Variants in UBR3 observed in about 807,000 individuals in gnomAD.
UBR3 encodes the protein ubiquitin protein ligase E3 component n-recognin 3.
In UBR3, 85 loss-of-function variants were observed where a neutral mutation model predicts 243.2. The observed-to-expected ratio is 0.35, with a 90% CI of 0.29 to 0.42. The LOEUF (loss-of-function observed/expected upper bound fraction) is 0.42, where lower values mean the gene tolerates loss of function less well. Ranked by LOEUF, UBR3 falls within the 10% of genes least tolerant of loss-of-function variation. The pLI, the probability that UBR3 is intolerant of heterozygous loss-of-function variation, is 1.00. For synonymous variants in UBR3, 748 were observed against 799.8 expected (o/e 0.94, Z 1.09); for missense variants, 1,686 against 2,300.8 (o/e 0.73, Z 5.47).
At chr2:169,831,415 G>T (rs578087151) in intron 1 of UBR3, among the ~76,000 whole-genome samples, 9 of 151,598 alleles carry the variant, frequency 5.9e-5, no homozygotes, top group Admixed American at 5.9e-4. Context: ...CTCCCAAAGT[G>T]CTGGGATTAC....
At chr2:169,844,210 T>C (rs2082391979) in intron 1 of UBR3, among the ~76,000 whole-genome samples, 1 of 152,134 alleles carries the variant, frequency 6.6e-6, no homozygotes, top group Non-Finnish European at 1.5e-5. Flanking sequence ...TTTCACCATG[T>C]TGGCCAGGCT....
chr2:170,078,750 A>G (rs1196230596), intron 36 of UBR3, among the ~76,000 whole-genome samples: 1 of 152,206 alleles, frequency 6.6e-6, no homozygotes, highest in Non-Finnish European at 1.5e-5. Context: ...GTAATGTGCT[A>G]TGGGCTACTG....
At chr2:170,016,877 C>A in intron 30 of UBR3, 1 of 855,762 alleles carries the variant, frequency 1.2e-6, no homozygotes, top group Non-Finnish European at 1.5e-6. Context: ...AGAAATTATA[C>A]TGTGCCAATA....
chr2:169,865,013 G>A (rs1004663071), intron 1 of UBR3, among the ~76,000 whole-genome samples: 11 of 152,046 alleles, frequency 7.2e-5, no homozygotes, highest in African/African-American at 2.2e-4. Flanking sequence ...TTGAATCCGG[G>A]AGGTGGAGGC....
At chr2:169,876,202 T>A (rs2083600106) in intron 3 of UBR3, among the ~76,000 whole-genome samples, 1 of 150,652 alleles carries the variant, frequency 6.6e-6, no homozygotes, top group African/African-American at 2.4e-5. Context: ...TGCCTCAGCC[T>A]CCCGAGTAGC....
Position 169,835,763 on chromosome 2 carries a change from C to A in UBR3, c.545+7711C>A, listed in dbSNP as rs570638479. 2.0e-5 allele frequency among the ~76,000 whole-genome samples: 3 copies of A among 152,070 alleles called. No individual in the cohort carries two copies. The East Asian group carries it at 5.8e-4, about 30-fold the overall frequency. On this transcript the variant is annotated intron_variant, in intron 1 of 38. Transcript: ENST00000272793. ...GCCTAATTTTTAAATCATTATAAAA[C>A]TCAGTTAAAACTATTTTCAATTATG...
intron 29 of UBR3, chr2:170,013,756 G>T: frequency 8.9e-6 from 2 of 223,846 alleles, no homozygotes; most frequent in South Asian, 1.3e-4. Flanking sequence ...AGTATTGTTT[G>T]TGTTTCTGGT....
chr2:170,040,793 C>A, intron 31 of UBR3, 89 bp from the exon 32 acceptor site: 1 of 996,560 alleles, frequency 1.0e-6, no homozygotes, highest in Non-Finnish European at 1.4e-6. Flanking sequence ...GTTTTTATTT[C>A]TGTTCCATAG....
intron 1 of UBR3, among the ~76,000 whole-genome samples, chr2:169,865,095 AT>A (rs1351679317): frequency 7.4e-4 from 110 of 148,030 alleles, no homozygotes; most frequent in Middle Eastern, 3.6e-3. Context: ...CGAAAAAAAA[AT>A]TTTTTTTTTT....
intron 36 of UBR3, among the ~76,000 whole-genome samples, chr2:170,076,860 G>A (rs1340550461): frequency 2.0e-5 from 3 of 152,136 alleles, no homozygotes; most frequent in Non-Finnish European, 4.4e-5. Context: ...CTTGGTCTAT[G>A]GTAGGGGTGG....
intron 8 of UBR3, among the ~76,000 whole-genome samples, chr2:169,900,835 G>A (rs953265739): frequency 1.3e-5 from 2 of 150,742 alleles, no homozygotes; most frequent in Non-Finnish European, 2.9e-5. Flanking sequence ...TTGTTCTATT[G>A]AAATCTACAA....
At chr2:169,947,360 G>T in intron 21 of UBR3, 182 bp from the exon 22 acceptor site, 1 of 413,286 alleles carries the variant, frequency 2.4e-6, no homozygotes, top group Non-Finnish European at 4.2e-6. Context: ...AGATATTCCT[G>T]CATTTTTTGT....
At position 169,926,761 on chromosome 2, in the gene UBR3, T is replaced by G; in HGVS notation, c.2204+17T>G. ...CTTTGAAAGGTAGGCATAATTTTAT[T>G]AAGACAGGTATTAGGAAGTGTCCAG... is the stretch of plus-strand genomic sequence containing the variant. On this transcript the variant is annotated intron_variant, in intron 15 of 38. Transcript: ENST00000272793. 6.5e-7 allele frequency: 1 copy of G among 1,548,420 alleles called. No individual in the cohort carries two copies. Among genetic ancestry groups the G allele is most frequent in the Non-Finnish European group, 8.7e-7 (1 of 1,145,484 alleles).
chr2:170,027,071 A>T (rs1183758459), intron 30 of UBR3, among the ~76,000 whole-genome samples: 1 of 151,860 alleles, frequency 6.6e-6, no homozygotes, highest in Non-Finnish European at 1.5e-5. Flanking sequence ...TTTTATTTTA[A>T]TCATAAACCC....
rs190597963 is a variant in UBR3 at position 170,031,817 on chromosome 2, C to T, written c.4556+2369C>T. Among the ~76,000 whole-genome samples, 138 of 152,244 alleles carry T rather than the reference C, an allele frequency of 9.1e-4. 1 individual carries two copies. The highest frequency in any genetic ancestry group is 1.6e-3 in the Non-Finnish European group (109 of 68,008). On this transcript the variant is annotated intron_variant, in intron 31 of 38. Coordinates refer to ENST00000272793, the MANE Select transcript of UBR3 (RefSeq NM_172070.4). Reference sequence around the variant, plus strand: ...TGCATTAATTCGCTTAGGATCATGGCCTCCAGCTGCATCCATGTTGTGACA... The same window carrying T: ...TGCATTAATTCGCTTAGGATCATGGTCTCCAGCTGCATCCATGTTGTGACA...
At chr2:169,838,456 G>A (rs1366635867) in intron 1 of UBR3, among the ~76,000 whole-genome samples, 1 of 143,486 alleles carries the variant, frequency 7.0e-6, no homozygotes, top group Non-Finnish European at 1.5e-5. Context: ...TGTCTGGTGA[G>A]GCCTTCTTGC....
At chr2:170,079,642 T>C (rs2091874410) in intron 36 of UBR3, among the ~76,000 whole-genome samples, 172 bp from the exon 37 acceptor site, 1 of 152,176 alleles carries the variant, frequency 6.6e-6, no homozygotes, top group African/African-American at 2.4e-5. Context: ...TGGTAACTGT[T>C]GAACTACTAT....
intron 5 of UBR3, among the ~76,000 whole-genome samples, chr2:169,889,865 C>G (rs1426664516): frequency 1.3e-5 from 2 of 152,160 alleles, no homozygotes; most frequent in Non-Finnish European, 2.9e-5. Flanking sequence ...TACTTTTCTG[C>G]TTTAGAAATT....
rs201896790 is a variant in UBR3 at position 170,040,750 on chromosome 2, G to GT, written c.4557-123dup. 2,291 of 743,592 alleles carry GT rather than the reference G, an allele frequency of 3.1e-3. 7 individuals are homozygous for GT. Among genetic ancestry groups the GT allele is most frequent in the South Asian group, 0.01 (390 of 37,286 alleles). The allele number at this position is 743,592 out of a possible 1,614,324, so 46.1% of individuals were successfully genotyped here. A position where few individuals can be genotyped will look rare whatever the true frequency, so the allele number is the denominator to read the frequency against. On this transcript the variant is annotated intron_variant, in intron 31 of 38. Coordinates refer to ENST00000272793, the MANE Select transcript of UBR3 (RefSeq NM_172070.4). The stretch of plus-strand genomic sequence containing the variant: ...TTTTGCAAAAAATATGACTCCTAAG[G>GT]TTTTTTTTTACATTTCTTCTTTGTG...
Sources: gnomAD v4.1 joint callset for allele counts (sites outside exome capture counted in the v4.1 genomes callset) on GRCh38, gnomAD v4.1.1 for gene constraint, MANE v1.5 for transcripts, NCBI Gene and HGNC (gene_info 2026-07-23, HGNC 2026-07-21) for gene names.